The following SAMM50 variants were observed in gnomAD, a reference collection of about 807,000 sequenced individuals.
SAMM50 encodes the protein SAMM50 sorting and assembly machinery component.
A neutral mutation model predicts 66.9 loss-of-function variants in SAMM50; 47 were observed. The ratio of observed to expected loss-of-function variants is 0.70; its 90% CI spans 0.56 to 0.90. The LOEUF (loss-of-function observed/expected upper bound fraction) is 0.90. SAMM50 is among the 40% of genes least tolerant of loss of function. SAMM50 has a pLI of 0.00. For missense variants in SAMM50, 535 were observed against 595.3 expected (o/e 0.90, Z 1.05); for synonymous variants, 191 against 214.1 (o/e 0.89, Z 0.94).
intron 1 of SAMM50, among the ~76,000 whole-genome samples, chr22:43,957,652 G>C (rs1034059016): frequency 1.3e-5 from 2 of 152,178 alleles, no homozygotes; most frequent in Admixed American, 1.3e-4. Context: ...TTGAACTCCT[G>C]ACCTCAAGTG....
At chr22:43,961,652 A>G (rs2050147705) in intron 1 of SAMM50, among the ~76,000 whole-genome samples, 1 of 152,116 alleles carries the variant, frequency 6.6e-6, no homozygotes, top group South Asian at 2.1e-4. Flanking sequence ...GAGTTTCACC[A>G]TGTTGGCCAG....
chr22:43,964,439 G>C lies in SAMM50; in HGVS notation c.133-13G>C. 3 of 1,475,246 alleles carry C rather than the reference G, an allele frequency of 2.0e-6. No homozygotes were observed. Among genetic ancestry groups the C allele is most frequent in the African/African-American group, 1.4e-5 (1 of 72,390 alleles). The allele number at this position is 1,475,246 out of a possible 1,614,324, so 91.4% of individuals were successfully genotyped here. A position where few individuals can be genotyped will look rare whatever the true frequency, so the allele number is the denominator to read the frequency against. ...TCATGTCATCCCTAATACTGTCCCT[G>C]TGTGACTTTTAGGTGGTTGTTCAAC... is the stretch of plus-strand genomic sequence containing the variant. On this transcript the variant is annotated splice_polypyrimidine_tract_variant and intron_variant, in intron 2 of 14. Coordinates refer to ENST00000350028, the MANE Select transcript of SAMM50 (RefSeq NM_015380.5).
intron 14 of SAMM50, among the ~76,000 whole-genome samples, chr22:43,993,520 C>T (rs16991306): frequency 0.016 from 2,392 of 152,258 alleles, 61 homozygotes; most frequent in African/African-American, 0.054. Flanking sequence ...TGGTTTATTC[C>T]GGGAGGAAGC....
chr22:43,995,977 AC>A (rs1454039404), intron 14 of SAMM50, among the ~76,000 whole-genome samples: 1 of 151,800 alleles, frequency 6.6e-6, no homozygotes, highest in Non-Finnish European at 1.5e-5. Context: ...CTCCATCCTC[AC>A]TACCCACCTT....
At chr22:43,972,117 T>A in intron 4 of SAMM50, 119 bp from the exon 5 acceptor site, 1 of 581,750 alleles carries the variant, frequency 1.7e-6, no homozygotes, top group Non-Finnish European at 3.0e-6. Flanking sequence ...TATATTATTT[T>A]CTAAAGGAGA....
intron 1 of SAMM50, among the ~76,000 whole-genome samples, chr22:43,959,737 T>C (rs2050139069): frequency 2.0e-5 from 3 of 152,132 alleles, no homozygotes; most frequent in South Asian, 2.1e-4. Context: ...AGGCATAGAA[T>C]TTATGGGATG....
At chr22:43,972,440 C>T (rs983767406) in intron 5 of SAMM50, 98 bp downstream of exon 5, 5 of 654,234 alleles carry the variant, frequency 7.6e-6, no homozygotes, top group Non-Finnish European at 1.2e-5. Context: ...TTTCAAAATT[C>T]GGTCATTTCA....
At chr22:43,984,453 C>G (rs1239213621) in intron 12 of SAMM50, among the ~76,000 whole-genome samples, 2 of 151,020 alleles carry the variant, frequency 1.3e-5, no homozygotes, top group African/African-American at 4.9e-5. Context: ...GCTGGGATTA[C>G]AGGCACCCGC....
chr22:43,974,831 T>C (rs1232930940), intron 7 of SAMM50: 1 of 152,246 alleles, frequency 6.6e-6, no homozygotes, highest in Non-Finnish European at 1.5e-5. Flanking sequence ...GCTTCATTTC[T>C]TTCTAAGCCT....
In SAMM50 at chr22:43,989,483, C is replaced by T. The variant is rs562979524; in HGVS notation, c.1222+226C>T. 1.4e-4 allele frequency among the ~76,000 whole-genome samples: 21 copies of T among 152,144 alleles called. No individual in the cohort carries two copies. In the East Asian group the frequency reaches 3.9e-3, roughly 28 times the overall value. On this transcript the variant is annotated intron_variant, in intron 13 of 14. Transcript: ENST00000350028. ...TCCCGAGTAGCTGGGACTACAGGCG[C>T]GTGCCATCACGCCCGGCTAATTTTT...
At chr22:43,959,122 G>A (rs1253758979) in intron 1 of SAMM50, among the ~76,000 whole-genome samples, 1 of 150,690 alleles carries the variant, frequency 6.6e-6, no homozygotes, top group African/African-American at 2.4e-5. Context: ...GGGTTCAAGC[G>A]ATTCTCCTAC....
At chr22:43,994,267 G>T (rs1357814117) in intron 14 of SAMM50, among the ~76,000 whole-genome samples, 1 of 152,206 alleles carries the variant, frequency 6.6e-6, no homozygotes. Flanking sequence ...AGGAACAGAA[G>T]GGGGAGTGGG....
At chr22:43,964,340 T>C in intron 2 of SAMM50, 112 bp from the exon 3 acceptor site, 1 of 609,990 alleles carries the variant, frequency 1.6e-6, no homozygotes, top group Non-Finnish European at 3.0e-6. Context: ...GTGTGGATTA[T>C]TAAACTTGAA....
chr22:43,990,145 G>A, intron 13 of SAMM50, 120 bp from the exon 14 acceptor site: 1 of 1,148,276 alleles, frequency 8.7e-7, no homozygotes, highest in South Asian at 1.5e-5. Context: ...CTAATCTCTA[G>A]GCCTGGCTTT....
chr22:43,978,939 T>C (rs920310689), intron 10 of SAMM50, among the ~76,000 whole-genome samples: 1 of 152,216 alleles, frequency 6.6e-6, no homozygotes, highest in Non-Finnish European at 1.5e-5. Context: ...ATTCAGCCCT[T>C]GACTCTGCAC....
At chr22:43,963,245 G>A (rs1334912715) in intron 1 of SAMM50, 41 bp from the exon 2 acceptor site, 1 of 1,290,518 alleles carries the variant, frequency 7.7e-7, no homozygotes, top group Non-Finnish European at 1.1e-6. Context: ...GTGTATATAT[G>A]TGACAAAGTC....
Position 43,981,396 on chromosome 22 carries a change from T to C in SAMM50, c.942T>C (p.Phe314=), listed in dbSNP as rs759996059. 1 of 1,613,586 alleles carries C rather than the reference T, an allele frequency of 6.2e-7. No homozygotes were observed. Among genetic ancestry groups the C allele is most frequent in the Non-Finnish European group, 8.5e-7 (1 of 1,179,554 alleles). The part of the protein sequence containing the change: ...LNKQLIFDSV[F]SASFWGGMLV... ...ATTTGTTTCTATTTGAACAGGTTTT[T>C]TCAGCGTCTTTCTGGGGCGGAATGT... The change falls in exon 11 of 15, where the codon TTT becomes TTC. Residue 314 remains phenylalanine, a synonymous_variant. Transcript: ENST00000350028.
chr22:43,978,721 G>A (rs2050247378), intron 10 of SAMM50, among the ~76,000 whole-genome samples: 1 of 151,722 alleles, frequency 6.6e-6, no homozygotes, highest in South Asian at 2.1e-4. Flanking sequence ...CTGGATTCTG[G>A]TCTCGCCAGA....
At chr22:43,980,434 G>A (rs1443595656) in intron 10 of SAMM50, among the ~76,000 whole-genome samples, 1 of 151,390 alleles carries the variant, frequency 6.6e-6, no homozygotes, top group Non-Finnish European at 1.5e-5. Flanking sequence ...GGTCAGGGAG[G>A]GTGGCTAGTA....
Sources: allele counts gnomAD v4.1 joint callset (sites outside exome capture counted in the v4.1 genomes callset), GRCh38; gene constraint gnomAD v4.1.1; transcripts MANE v1.5; gene names NCBI Gene and HGNC (gene_info 2026-07-23, HGNC 2026-07-21).